Variants in TC2N observed in about 807,000 individuals in gnomAD.
TC2N encodes the protein tandem C2 domains, nuclear.
A neutral mutation model predicts 61.9 loss-of-function variants in TC2N; 51 were observed. The ratio of observed to expected loss-of-function variants is 0.82; its 90% CI spans 0.66 to 1.04. The LOEUF (loss-of-function observed/expected upper bound fraction) is 1.04, where lower values mean the gene tolerates loss of function less well. TC2N is among the 50% of genes least tolerant of loss of function. The pLI, the probability that TC2N is intolerant of heterozygous loss-of-function variation, is 0.00. For synonymous variants in TC2N, 204 were observed against 192.6 expected (o/e 1.06, Z -0.49); for missense variants, 556 against 566.7 (o/e 0.98, Z 0.19).
At position 91,837,684 on chromosome 14, in the gene TC2N, G is replaced by GGA. The variant is rs1350869365; in HGVS notation, c.-56-23861_-56-23860dup. 2.6e-5 allele frequency among the ~76,000 whole-genome samples: 4 copies of GGA among 152,172 alleles called. No homozygotes were observed. On this transcript the variant is annotated intron_variant, in intron 1 of 11. Transcript: ENST00000435962. This position sits in a 1 kb window ranked among gnomAD's most constrained non-coding sequence, Gnocchi z 4.2. ...GATCACCAGATCACATTAATGTGGG[G>GGA]GAGAGAGACACAAAATATTTGTTTT...
chr14:91,812,502 T>G lies in TC2N; in HGVS notation c.111A>C (p.Gln37His). Residue 37 changes from glutamine to histidine, a missense_variant, in exon 3 of 12, where the codon CAA (glutamine) becomes CAC (histidine). Physicochemically the swap from Gln to His is conservative, Grantham distance 24 (BLOSUM62 0). Coordinates refer to ENST00000435962, the MANE Select transcript of TC2N (RefSeq NM_001128596.3). ...RDFKAAVPNSQNATISVPPLT... is the reference protein window; with the variant it reads ...RDFKAAVPNSHNATISVPPLT... ...ATGGAGGTACAGAGATAGTAGCATT[T>G]TGACTATTTGGGACTGCTGCTTTAA... The G allele has an allele frequency of 6.2e-7, 1 of 1,605,722 alleles. No individual in the cohort carries two copies. Among genetic ancestry groups the G allele is most frequent in the South Asian group, 1.1e-5 (1 of 90,046 alleles).
intron 1 of TC2N, among the ~76,000 whole-genome samples, chr14:91,818,731 C>G (rs1840266916): frequency 6.6e-6 from 1 of 151,948 alleles, no homozygotes; most frequent in Non-Finnish European, 1.5e-5. Context: ...ACTATAATGT[C>G]TGAGATGGAA....
intron 1 of TC2N, among the ~76,000 whole-genome samples, chr14:91,842,162 T>C (rs957224971): frequency 6.6e-5 from 10 of 152,024 alleles, no homozygotes; most frequent in African/African-American, 2.4e-4. Flanking sequence ...TTTTACCATG[T>C]TGCCCAGAGA....
chr14:91,783,670 AAT>A lies in TC2N; in HGVS notation c.1363-462_1363-461del, dbSNP rs1195043885. Among the ~76,000 whole-genome samples, 4 of 152,126 alleles carry A rather than the reference AAT, an allele frequency of 2.6e-5. No homozygotes were observed. In the East Asian group the frequency reaches 5.8e-4, roughly 22 times the overall value. ...TAAAGTGTAATCTTAATTAAAATCT[AAT>A]AGTCATTCTTGATCAATAGTAATTT... is the stretch of plus-strand genomic sequence containing the variant. On this transcript the variant is annotated intron_variant, in intron 11 of 11. Transcript: ENST00000435962.
chr14:91,820,545 G>GA (rs879836561), intron 1 of TC2N, among the ~76,000 whole-genome samples: 97 of 140,740 alleles, frequency 6.9e-4, no homozygotes, highest in South Asian at 1.3e-3. Flanking sequence ...CTAAAGCCAG[G>GA]AAAAAAAAAA....
chr14:91,812,550 A>G lies in TC2N; in HGVS notation c.68-5T>C. ...TAAAATCTCTTTCCACAGAAACTGC[A>G]TATAAAAGAAAAAAAAAGTCACAAA... On this transcript the variant is annotated splice_region_variant and splice_polypyrimidine_tract_variant and intron_variant, in intron 2 of 11. Coordinates refer to ENST00000435962, the MANE Select transcript of TC2N (RefSeq NM_001128596.3). The G allele has an allele frequency of 1.4e-6, 2 of 1,463,142 alleles. No individual in the cohort carries two copies. The highest frequency in any genetic ancestry group is 1.9e-6 in the Non-Finnish European group (2 of 1,056,396). 90.6% of individuals were successfully genotyped at this position (1,463,142 alleles called of 1,614,324 possible). A position where few individuals can be genotyped will look rare whatever the true frequency, so the allele number is the denominator to read the frequency against.
chr14:91,832,452 A>T (rs1486059089), intron 1 of TC2N, among the ~76,000 whole-genome samples: 2 of 152,152 alleles, frequency 1.3e-5, no homozygotes, highest in Non-Finnish European at 2.9e-5. Context: ...GGCCAAAGAC[A>T]TAAACACCCA....
At chr14:91,861,814 A>G (rs181949479) in intron 1 of TC2N, among the ~76,000 whole-genome samples, 2 of 152,302 alleles carry the variant, frequency 1.3e-5, no homozygotes, top group East Asian at 3.9e-4. Context: ...AAGCTGAGGC[A>G]GAAGGATCGC....
At chr14:91,792,942 C>T (rs1885729599) in intron 8 of TC2N, among the ~76,000 whole-genome samples, 1 of 152,172 alleles carries the variant, frequency 6.6e-6, no homozygotes, top group South Asian at 2.1e-4. Context: ...TGCAAGCACT[C>T]TCTTGTTCAT....
intron 1 of TC2N, among the ~76,000 whole-genome samples, chr14:91,861,558 G>A (rs75238354): frequency 0.11 from 16,910 of 152,208 alleles, 1,135 homozygotes; most frequent in South Asian, 0.24. Flanking sequence ...AAAGAAGAGA[G>A]AGAAGAGAGG....
At chr14:91,794,162 T>A (rs1170678561) in intron 8 of TC2N, among the ~76,000 whole-genome samples, 3 of 152,030 alleles carry the variant, frequency 2.0e-5, no homozygotes, top group African/African-American at 7.2e-5. Context: ...CTGAGAGAAG[T>A]GAAGAAGCTG....
At chr14:91,806,960 G>C (rs1475065232) in intron 3 of TC2N, among the ~76,000 whole-genome samples, 5 of 152,228 alleles carry the variant, frequency 3.3e-5, no homozygotes, top group Non-Finnish European at 7.4e-5. Context: ...GTGCAGCCTA[G>C]GGACTTGGTG....
chr14:91,813,574 T>C, intron 2 of TC2N, 129 bp downstream of exon 2: 1 of 627,130 alleles, frequency 1.6e-6, no homozygotes, highest in Non-Finnish European at 2.9e-6. Context: ...TATGGAATAT[T>C]TACTTAGTGT....
At chr14:91,823,167 A>G (rs1361163746) in intron 1 of TC2N, among the ~76,000 whole-genome samples, 2 of 152,184 alleles carry the variant, frequency 1.3e-5, no homozygotes, top group East Asian at 3.9e-4. Flanking sequence ...AAGTAGAATT[A>G]CAGAACATTA....
chr14:91,800,168 C>A lies in TC2N; in HGVS notation c.561+113G>T, dbSNP rs60269824. On this transcript the variant is annotated intron_variant, in intron 5 of 11. Transcript: ENST00000435962. ...ATTATTTATTCTTCAGATATCAGAA[C>A]AGATACATCTACAAAAAATATACAG... The A allele has an allele frequency of 1.1e-3, 614 of 539,920 alleles. 2 individuals are homozygous for A. The highest frequency in any genetic ancestry group is 0.011 in the African/African-American group (553 of 50,836). 33.4% of individuals were successfully genotyped at this position (539,920 alleles called of 1,614,324 possible). A position where few individuals can be genotyped will look rare whatever the true frequency, so the allele number is the denominator to read the frequency against.
chr14:91,808,674 A>G (rs946489866), intron 3 of TC2N, among the ~76,000 whole-genome samples: 1 of 152,132 alleles, frequency 6.6e-6, no homozygotes. Context: ...GAGTTAACCA[A>G]TTTCTTCCTC....
intron 9 of TC2N, among the ~76,000 whole-genome samples, chr14:91,791,051 T>C (rs1885617230): frequency 6.6e-6 from 1 of 151,206 alleles, no homozygotes; most frequent in South Asian, 2.1e-4. Context: ...GAGGATTGCT[T>C]GGTCGGGGAG....
intron 1 of TC2N, among the ~76,000 whole-genome samples, chr14:91,853,971 T>C (rs1888429418): frequency 1.3e-5 from 2 of 152,174 alleles, no homozygotes; most frequent in Non-Finnish European, 2.9e-5. Context: ...AGTAAGAATA[T>C]TTCTCTGAAT....
chr14:91,798,411 A>C lies in TC2N; in HGVS notation c.638-12T>G, dbSNP rs1023480165. The C allele has an allele frequency of 1.4e-6, 2 of 1,428,702 alleles. No individual in the cohort carries two copies. Among genetic ancestry groups the C allele is most frequent in the Non-Finnish European group, 1.9e-6 (2 of 1,027,784 alleles). 88.5% of individuals were successfully genotyped at this position (1,428,702 alleles called of 1,614,324 possible). On this transcript the variant is annotated splice_polypyrimidine_tract_variant and intron_variant, in intron 6 of 11. Coordinates refer to ENST00000435962, the MANE Select transcript of TC2N (RefSeq NM_001128596.3). Reference sequence around the variant, plus strand: ...TAGAGTAATTGTATCTGAATTATAAAAGGACAAAGATGTTTCAAATGCCAT... The same window carrying C: ...TAGAGTAATTGTATCTGAATTATAACAGGACAAAGATGTTTCAAATGCCAT...
Sources: gnomAD v4.1 joint callset for allele counts (sites outside exome capture counted in the v4.1 genomes callset) on GRCh38, gnomAD v4.1.1 for gene constraint, Gnocchi (gnomAD v3.1) non-coding constraint, MANE v1.5 for transcripts, NCBI Gene and HGNC (gene_info 2026-07-23, HGNC 2026-07-21) for gene names.